The following SH3GL2 variants were observed in gnomAD, a reference collection of about 807,000 sequenced individuals.
SH3GL2 encodes the protein endophilin-A1.
A neutral mutation model predicts 46.0 loss-of-function variants in SH3GL2; 24 were observed. The observed-to-expected ratio is 0.52, with a 90% CI of 0.38 to 0.73. SH3GL2 has a LOEUF of 0.73. Among genes scored for constraint, SH3GL2 ranks in the 30% least tolerant of loss-of-function variants. SH3GL2 has a pLI of 0.00. For synonymous variants in SH3GL2, 196 were observed against 147.1 expected (o/e 1.33, Z -2.40); for missense variants, 413 against 424.2 (o/e 0.97, Z 0.23).
intron 1 of SH3GL2, among the ~76,000 whole-genome samples, chr9:17,625,095 T>A (rs1819251105): frequency 6.6e-6 from 1 of 152,176 alleles, no homozygotes; most frequent in Non-Finnish European, 1.5e-5. Context: ...GGGGCTGGCC[T>A]GCATTTTAAT....
At chr9:17,758,826 A>T (rs62549703) in intron 2 of SH3GL2, among the ~76,000 whole-genome samples, 3 of 151,996 alleles carry the variant, frequency 2.0e-5, no homozygotes, top group Non-Finnish European at 4.4e-5. Context: ...GTCTGCCTCA[A>T]TGGGCACAAA....
In SH3GL2 at chr9:17,791,328, A is replaced by G. The variant is rs750052535; in HGVS notation, c.722A>G (p.Glu241Gly). The change falls in exon 7 of 9, where the codon GAA (glutamate) becomes GGA (glycine). Residue 241 changes from glutamate to glycine, a missense_variant. Transcript: ENST00000380607. ...CTGCAGCAAGTCACGGTCAGACTGG[A>G]AGAAAGGTATTCTACAGTTCCCTGC... is the stretch of plus-strand genomic sequence containing the variant. ...QILQQVTVRL[E>G]ERIRQASSQP... 1.9e-6 allele frequency: 3 copies of G among 1,601,710 alleles called. No homozygotes were observed. In the South Asian group the frequency reaches 3.3e-5, roughly 18 times the overall value.
intron 1 of SH3GL2, among the ~76,000 whole-genome samples, chr9:17,663,921 T>C (rs994941224): frequency 7.2e-5 from 11 of 152,228 alleles, no homozygotes; most frequent in Admixed American, 2.6e-4. Flanking sequence ...TTTTTTGTTA[T>C]GGAGAGAGAC....
At chr9:17,637,329 G>A (rs1032143182) in intron 1 of SH3GL2, among the ~76,000 whole-genome samples, 1 of 152,194 alleles carries the variant, frequency 6.6e-6, no homozygotes, top group African/African-American at 2.4e-5. Flanking sequence ...CCCAACGAGA[G>A]TATTCTTAAA....
chr9:17,615,994 A>G (rs1818986107), intron 1 of SH3GL2, among the ~76,000 whole-genome samples: 1 of 152,080 alleles, frequency 6.6e-6, no homozygotes, highest in South Asian at 2.1e-4. Context: ...CCCCAGAGAG[A>G]TGTTTCTGGG....
At chr9:17,786,810 C>G (rs1238209832) in intron 4 of SH3GL2, among the ~76,000 whole-genome samples, 1 of 151,798 alleles carries the variant, frequency 6.6e-6, no homozygotes, top group African/African-American at 2.4e-5. Context: ...TTGGGTGTTT[C>G]TGGCAGTCAT....
intron 1 of SH3GL2, among the ~76,000 whole-genome samples, chr9:17,643,590 TTA>T (rs1256956129): frequency 6.6e-6 from 1 of 151,578 alleles, no homozygotes; most frequent in East Asian, 1.9e-4. Context: ...TTGGTTCTGT[TTA>T]TGTGTTTTTT....
At chr9:17,784,520 G>A (rs538088626) in intron 3 of SH3GL2, among the ~76,000 whole-genome samples, 94 of 151,702 alleles carry the variant, frequency 6.2e-4, no homozygotes, top group African/African-American at 4.6e-4. Context: ...CATTTTATTC[G>A]TGCTGTCATT....
At chr9:17,647,466 G>C (rs931207138) in intron 1 of SH3GL2, among the ~76,000 whole-genome samples, 1 of 151,902 alleles carries the variant, frequency 6.6e-6, no homozygotes, top group South Asian at 2.1e-4. Context: ...TGATGCTTTA[G>C]GAAGACATAA....
chr9:17,660,034 C>T (rs946218937), intron 1 of SH3GL2, among the ~76,000 whole-genome samples: 5 of 152,076 alleles, frequency 3.3e-5, no homozygotes, highest in Admixed American at 1.3e-4. Context: ...ATGACTCTAC[C>T]ACCTATTGGG....
intron 3 of SH3GL2, among the ~76,000 whole-genome samples, chr9:17,785,015 C>T (rs1823913556): frequency 6.6e-6 from 1 of 152,178 alleles, no homozygotes; most frequent in Non-Finnish European, 1.5e-5. Flanking sequence ...ACTTAGCCTG[C>T]ATTTTCTATT....
intron 1 of SH3GL2, among the ~76,000 whole-genome samples, chr9:17,658,981 T>C (rs1356333491): frequency 6.6e-6 from 1 of 152,212 alleles, no homozygotes; most frequent in Non-Finnish European, 1.5e-5. Context: ...GATTCAGTTA[T>C]GAAATTATCT....
chr9:17,723,462 A>G (rs763024782), intron 1 of SH3GL2, among the ~76,000 whole-genome samples: 9 of 152,094 alleles, frequency 5.9e-5, no homozygotes, highest in Non-Finnish European at 1.0e-4. Flanking sequence ...TCATATATGA[A>G]CCTAAATACA....
chr9:17,756,503 G>A (rs2131144129), intron 2 of SH3GL2, among the ~76,000 whole-genome samples: 1 of 123,432 alleles, frequency 8.1e-6, no homozygotes, highest in African/African-American at 3.2e-5. Flanking sequence ...AGGCCCCCAT[G>A]TGTGATGTTC....
chr9:17,784,801 C>T (rs1267012423), intron 3 of SH3GL2, among the ~76,000 whole-genome samples: 3 of 152,176 alleles, frequency 2.0e-5, no homozygotes, highest in Non-Finnish European at 4.4e-5. Flanking sequence ...CCGCCTCAAA[C>T]TCCTGGCCTT....
chr9:17,595,622 T>C (rs1035816835), intron 1 of SH3GL2, among the ~76,000 whole-genome samples: 2 of 152,178 alleles, frequency 1.3e-5, no homozygotes, highest in Non-Finnish European at 2.9e-5. Flanking sequence ...GTTATTGTGG[T>C]GAAAAATTGT....
chr9:17,656,786 A>C lies in SH3GL2; in HGVS notation c.45+77499A>C, dbSNP rs866678999. The stretch of plus-strand genomic sequence containing the variant: ...ACTACATCTCAAAAAAAAAAAAAAA[A>C]ACAAAAAAGGCTTTTCTATGGGATT... On this transcript the variant is annotated intron_variant, in intron 1 of 8. Transcript: ENST00000380607. Among the ~76,000 whole-genome samples, 30 of 150,938 alleles carry C rather than the reference A, an allele frequency of 2.0e-4. No homozygotes were observed. In the Middle Eastern group the frequency reaches 0.01, roughly 52 times the overall value.
chr9:17,586,192 G>C (rs1296252718), intron 1 of SH3GL2, among the ~76,000 whole-genome samples: 1 of 152,064 alleles, frequency 6.6e-6, no homozygotes, highest in Admixed American at 6.5e-5. Context: ...TGCCAAATAT[G>C]ATGTTGTAGT....
In SH3GL2 at chr9:17,790,435, A is replaced by C. The variant is rs916782436; in HGVS notation, c.625-796A>C. 2.0e-5 allele frequency: 20 copies of C among 984,280 alleles called. 1 individual carries two copies. In the East Asian group the frequency reaches 1.5e-3, roughly 73 times the overall value. The allele number at this position is 984,280 out of a possible 1,614,324, so 61.0% of individuals were successfully genotyped here. On this transcript the variant is annotated intron_variant, in intron 6 of 8. Transcript: ENST00000380607. Reference sequence around the variant, plus strand: ...CTGTGGCAGGGGAAGTGTGTTGAACATATCCAGACTTTCCTACCACCTGGA... The same window carrying C: ...CTGTGGCAGGGGAAGTGTGTTGAACCTATCCAGACTTTCCTACCACCTGGA...
Sources: allele counts gnomAD v4.1 joint callset (sites outside exome capture counted in the v4.1 genomes callset), GRCh38; gene constraint gnomAD v4.1.1; transcripts MANE v1.5; gene names NCBI Gene and HGNC (gene_info 2026-07-23, HGNC 2026-07-21).